The following GABRR1 variants were observed in gnomAD, a reference collection of about 807,000 sequenced individuals.
GABRR1 encodes gamma-aminobutyric acid type A receptor subunit rho1, also known as gamma-aminobutyric acid receptor subunit rho-1.
A neutral mutation model predicts 55.5 loss-of-function variants in GABRR1; 59 were observed. The observed-to-expected ratio is 1.06, with a 90% CI of 0.86 to 1.32. The LOEUF (loss-of-function observed/expected upper bound fraction) is 1.32, where lower values mean the gene tolerates loss of function less well. Among genes scored for constraint, GABRR1 ranks in the 40% most tolerant of loss-of-function variants. The probability of loss-of-function intolerance (pLI) is 0.00; values close to 1 mark genes in which losing one functional copy is unlikely to be tolerated. For synonymous variants in GABRR1, 213 were observed against 226.0 expected, an observed-to-expected ratio of 0.94 and a Z score of 0.51; for missense variants, 602 against 619.1, an observed-to-expected ratio of 0.97 and a Z score of 0.29.
chr6:89,201,110 G>T, intron 3 of GABRR1, 49 bp downstream of exon 3: 1 of 1,404,840 alleles, frequency 7.1e-7, no homozygotes, highest in Non-Finnish European at 1.0e-6. Context: ...CCTGCCCACA[G>T]ACAGAGGACC....
intron 1 of GABRR1, among the ~76,000 whole-genome samples, chr6:89,204,401 G>A (rs76446550): frequency 0.031 from 4,778 of 152,298 alleles, 119 homozygotes; most frequent in African/African-American, 0.064. Flanking sequence ...GATGGGCAGC[G>A]TGAGGCCGAA....
intron 1 of GABRR1, among the ~76,000 whole-genome samples, chr6:89,206,535 A>G (rs528190103): frequency 1.3e-5 from 2 of 152,114 alleles, no homozygotes; most frequent in South Asian, 4.2e-4. Context: ...TTCCATCAGA[A>G]TGTGCACACC....
intron 7 of GABRR1, among the ~76,000 whole-genome samples, chr6:89,182,965 A>T (rs1215417956): frequency 2.2e-4 from 33 of 152,034 alleles, no homozygotes; most frequent in Admixed American, 2.1e-3. Flanking sequence ...TGATTTAAAC[A>T]ATCTCTTTAG....
intron 5 of GABRR1, among the ~76,000 whole-genome samples, chr6:89,192,611 G>GGTGC (rs1772139131): frequency 1.4e-5 from 2 of 146,142 alleles, no homozygotes; most frequent in Non-Finnish European, 3.0e-5. Flanking sequence ...CGCCCAGGCT[G>GGTGC]GAGTGCAGTG....
Position 89,205,270 on chromosome 6 carries a change from C to G in GABRR1, c.123-1785G>C, listed in dbSNP as rs80158981. On this transcript the variant is annotated intron_variant, in intron 1 of 9. Coordinates refer to ENST00000454853, the MANE Select transcript of GABRR1 (RefSeq NM_002042.5). ...GGAAGCAAGGCTGGCCACAGCATCA[C>G]GTTGGAAGATTTGCCTCCCACTGCC... Among the ~76,000 whole-genome samples, 11 of 152,284 alleles carry G rather than the reference C, an allele frequency of 7.2e-5. No homozygotes were observed. The South Asian group carries it at 2.3e-3, about 32-fold the overall frequency.
chr6:89,197,266 CA>C (rs1484422284), intron 5 of GABRR1, among the ~76,000 whole-genome samples: 2 of 152,172 alleles, frequency 1.3e-5, no homozygotes, highest in African/African-American at 4.8e-5. Context: ...GCACGGAAGC[CA>C]AAGCAAAGTC....
At chr6:89,228,808 C>T (rs1773236707) in intron 1 of GABRR1, among the ~76,000 whole-genome samples, 1 of 152,006 alleles carries the variant, frequency 6.6e-6, no homozygotes, top group Admixed American at 6.6e-5. Context: ...GAGTTCAATT[C>T]CTGGGTATCC....
chr6:89,201,075 A>C, intron 3 of GABRR1, 84 bp downstream of exon 3: 2 of 979,542 alleles, frequency 2.0e-6, no homozygotes, highest in East Asian at 2.4e-5. Context: ...CGGAGAGCAA[A>C]GCTGTGCTGT....
In GABRR1 at chr6:89,185,316, T is replaced by C; in HGVS notation, c.790A>G (p.Ser264Gly). 6.2e-7 allele frequency: 1 copy of C among 1,613,998 alleles called. No homozygotes were observed. The highest frequency in any genetic ancestry group is 8.5e-7 in the Non-Finnish European group (1 of 1,179,862). The change falls in exon 7 of 10, where the codon AGC becomes GGC. Residue 264 changes from serine (S) to glycine (G), a missense_variant. Transcript: ENST00000454853. ...GCCCTCACTCTACACTTACCTGTGC[T>C]GCTGTAGAAAGCCAGTTTGGTGGTG... ...HTTTKLAFYS[S>G]TGWYNRLYIN...
At position 89,198,192 on chromosome 6, in the gene GABRR1, ACAGC is replaced by A; in HGVS notation, c.396_399del (p.Arg132SerfsTer11). 1 of 1,614,066 alleles carries A rather than the reference ACAGC, an allele frequency of 6.2e-7. No individual in the cohort carries two copies. Among genetic ancestry groups the A allele is most frequent in the Non-Finnish European group, 8.5e-7 (1 of 1,180,020 alleles). ...CTGAGGTTGTTGGTGCTTGGAAAAGACAGCCTCTCGTCCTTCCAGTAGTGCCTCA... is the reference window on the plus strand; with the variant it reads ...CTGAGGTTGTTGGTGCTTGGAAAAGACTCTCGTCCTTCCAGTAGTGCCTCA... On this transcript the variant is annotated frameshift_variant, in exon 5 of 10. Transcript: ENST00000454853. LOFTEE classifies it high-confidence loss of function.
At chr6:89,217,949 T>A (rs1048870300), upstream of GABRR1, among the ~76,000 whole-genome samples, 1 of 152,158 alleles carries the variant, frequency 6.6e-6, no homozygotes, top group Admixed American at 6.5e-5. Flanking sequence ...ACAAGTAAAT[T>A]TCCTTGTCAG....
At chr6:89,228,832 G>T (rs1166573691) in intron 1 of GABRR1, among the ~76,000 whole-genome samples, 1 of 152,082 alleles carries the variant, frequency 6.6e-6, no homozygotes, top group Admixed American at 6.6e-5. Flanking sequence ...TTGACTTTCT[G>T]TCTCAATCTG....
intron 4 of GABRR1, 24 bp from the exon 5 acceptor site, chr6:89,198,267 G>C: frequency 6.5e-7 from 1 of 1,538,862 alleles, no homozygotes; most frequent in Non-Finnish European, 9.0e-7. Context: ...GGCAGAGAGG[G>C]AACCCCAGAC....
intron 6 of GABRR1, 100 bp downstream of exon 6, chr6:89,190,065 C>A: frequency 2.8e-6 from 2 of 711,562 alleles, no homozygotes; most frequent in Non-Finnish European, 4.4e-6. Context: ...AAAAAGTCTA[C>A]TCATGAATAA....
chr6:89,205,042 T>C (rs542773314), intron 1 of GABRR1, among the ~76,000 whole-genome samples: 2 of 152,324 alleles, frequency 1.3e-5, no homozygotes, highest in South Asian at 2.1e-4. Flanking sequence ...AATCTAACAC[T>C]GCTTGAGCAC....
chr6:89,183,173 GA>G (rs888535480), intron 7 of GABRR1, among the ~76,000 whole-genome samples: 2 of 102,242 alleles, frequency 2.0e-5, no homozygotes, highest in African/African-American at 6.8e-5. Flanking sequence ...AAAAAAAAAG[GA>G]AAAGGCCTTA....
chr6:89,203,090 T>C (rs143537693), intron 2 of GABRR1, among the ~76,000 whole-genome samples: 1 of 152,266 alleles, frequency 6.6e-6, no homozygotes, highest in African/African-American at 2.4e-5. Flanking sequence ...CCAGGAAGTG[T>C]CCTTCTAAAG....
chr6:89,197,948 C>CA, intron 5 of GABRR1, 72 bp downstream of exon 5: 7 of 1,411,772 alleles, frequency 5.0e-6, no homozygotes, highest in Non-Finnish European at 7.0e-6. Flanking sequence ...CATTCAGAGC[C>CA]AAAAACCCAA....
chr6:89,209,120 A>G (rs368972222), intron 1 of GABRR1, among the ~76,000 whole-genome samples: 1 of 151,932 alleles, frequency 6.6e-6, no homozygotes, highest in East Asian at 1.9e-4. Context: ...TTCTTAGATA[A>G]AATCTCAGCC....
Sources: gnomAD v4.1 joint callset for allele counts (sites outside exome capture counted in the v4.1 genomes callset) on GRCh38, gnomAD v4.1.1 for gene constraint, MANE v1.5 for transcripts, NCBI Gene and HGNC (gene_info 2026-07-23, HGNC 2026-07-21) for gene names.